Variants in F13A1 observed in about 807,000 individuals in gnomAD.
F13A1 encodes the protein coagulation factor XIII A chain.
Under a neutral mutation model 80.1 loss-of-function variants are expected in F13A1, and 47 were observed. The observed-to-expected ratio is 0.59, with a 90% CI of 0.46 to 0.75. The LOEUF is 0.75. Ranked by LOEUF, F13A1 falls within the 30% of genes least tolerant of loss-of-function variation. F13A1 has a pLI of 0.00. For missense variants in F13A1, 817 were observed against 930.4 expected (o/e 0.88, Z 1.59); for synonymous variants, 349 against 344.9 (o/e 1.01, Z -0.13).
At chr6:6,304,553 A>C (rs558281116) in intron 3 of F13A1, among the ~76,000 whole-genome samples, 1 of 152,192 alleles carries the variant, frequency 6.6e-6, no homozygotes, top group East Asian at 1.9e-4. Context: ...GCTAATGTGC[A>C]TCGTTAATCT....
At chr6:6,172,889 A>G (rs757893213) in intron 12 of F13A1, among the ~76,000 whole-genome samples, 3 of 152,244 alleles carry the variant, frequency 2.0e-5, no homozygotes, top group Non-Finnish European at 4.4e-5. Context: ...AAACCTCAGT[A>G]AGGGGACCAT....
rs751594692 is a variant in F13A1 at position 6,182,098 on chromosome 6, G to A, written c.1349C>T (p.Thr450Ile). ...LIYITAKKDG[T>I]HVVENVDATH... The stretch of plus-strand genomic sequence containing the variant: ...GGCATCCACATTTTCCACCACATGA[G>A]TGCCATCTTTCTTAGCTGTAATGTA... The change falls in exon 11 of 15, where the codon ACT becomes ATT. Residue 450 changes from threonine (T) to isoleucine (I), a missense_variant. Coordinates refer to ENST00000264870, the MANE Select transcript of F13A1 (RefSeq NM_000129.4). The A allele has an allele frequency of 4.4e-5, 71 of 1,614,040 alleles. No homozygotes were observed. The highest frequency in any genetic ancestry group is 5.8e-5 in the Non-Finnish European group (68 of 1,180,016).
At chr6:6,274,775 TGAA>T (rs1412494516) in intron 3 of F13A1, among the ~76,000 whole-genome samples, 2 of 152,142 alleles carry the variant, frequency 1.3e-5, no homozygotes, top group Non-Finnish European at 2.9e-5. Flanking sequence ...CTGTGGAAGT[TGAA>T]GAAGATTCCT....
chr6:6,307,714 C>G (rs6922262), intron 2 of F13A1, among the ~76,000 whole-genome samples: 23,022 of 152,120 alleles, frequency 0.15, 2,082 homozygotes, highest in Non-Finnish European at 0.2. Flanking sequence ...ACTACTATAC[C>G]CTGCATGAAA....
At chr6:6,164,769 C>T (rs1263567260) in intron 13 of F13A1, among the ~76,000 whole-genome samples, 4 of 147,826 alleles carry the variant, frequency 2.7e-5, no homozygotes, top group Non-Finnish European at 6.0e-5. Context: ...ATCTTCCCCT[C>T]CCCTCCCCTC....
intron 8 of F13A1, among the ~76,000 whole-genome samples, chr6:6,208,243 A>C (rs1361964908): frequency 2.0e-5 from 3 of 152,216 alleles, no homozygotes; most frequent in Non-Finnish European, 2.9e-5. Flanking sequence ...AAAGTACAAT[A>C]ACCAAAATGA....
chr6:6,287,624 A>G (rs1758157715), intron 3 of F13A1, among the ~76,000 whole-genome samples: 1 of 152,118 alleles, frequency 6.6e-6, no homozygotes, highest in Admixed American at 6.6e-5. Context: ...CAGCGACTCT[A>G]TTACCCTAGG....
At chr6:6,191,950 G>C (rs1761209498) in intron 10 of F13A1, among the ~76,000 whole-genome samples, 1 of 152,220 alleles carries the variant, frequency 6.6e-6, no homozygotes, top group South Asian at 2.1e-4. Flanking sequence ...AGGTGCAGTT[G>C]GGTGAGCGAA....
Position 6,316,130 on chromosome 6 carries a change from T to C in F13A1, c.130+2405A>G, listed in dbSNP as rs1311807010. On this transcript the variant is annotated intron_variant, in intron 2 of 14. Coordinates refer to ENST00000264870, the MANE Select transcript of F13A1 (RefSeq NM_000129.4). The stretch of plus-strand genomic sequence containing the variant: ...ATATATATATATATATATATATATA[T>C]ATATATATATATAGTTTTTTTCCTG... Among the ~76,000 whole-genome samples the C allele has an allele frequency of 4.8e-3, 375 of 77,780 alleles. 21 individuals carry two copies. The highest frequency in any genetic ancestry group is 0.019 in the African/African-American group (353 of 18,874). 51.0% of individuals were successfully genotyped at this position (77,780 alleles called of 152,430 possible). A position where few individuals can be genotyped will look rare whatever the true frequency, so the allele number is the denominator to read the frequency against.
At chr6:6,216,765 C>T (rs1413509229) in intron 8 of F13A1, among the ~76,000 whole-genome samples, 217 of 135,904 alleles carry the variant, frequency 1.6e-3, no homozygotes, top group African/African-American at 5.2e-3. Flanking sequence ...AGAAAATTTT[C>T]GCAACCTACT....
chr6:6,232,691 CAT>C (rs58142905), intron 6 of F13A1, among the ~76,000 whole-genome samples: 19,497 of 151,976 alleles, frequency 0.13, 1,318 homozygotes, highest in East Asian at 0.15. Context: ...CAAGATAGAC[CAT>C]ATGATAAGCC....
chr6:6,195,167 G>C (rs1053543898), intron 10 of F13A1, among the ~76,000 whole-genome samples: 4 of 152,180 alleles, frequency 2.6e-5, no homozygotes, highest in African/African-American at 9.7e-5. Context: ...AGCCTGTTCT[G>C]CTTCCAGTCC....
intron 3 of F13A1, among the ~76,000 whole-genome samples, chr6:6,272,004 A>C (rs1757927775): frequency 6.6e-6 from 1 of 152,188 alleles, no homozygotes; most frequent in Admixed American, 6.5e-5. Context: ...CTTTGTGCAC[A>C]GTTTCTTGAT....
intron 12 of F13A1, among the ~76,000 whole-genome samples, 184 bp downstream of exon 12, chr6:6,174,396 T>C (rs1263228384): frequency 6.9e-6 from 1 of 145,318 alleles, no homozygotes; most frequent in Admixed American, 6.8e-5. Context: ...TCTCAAAAAA[T>C]AAAAATAAAA....
chr6:6,206,502 A>AC (rs987222824), intron 8 of F13A1: 7 of 473,496 alleles, frequency 1.5e-5, no homozygotes, highest in African/African-American at 1.4e-4. Flanking sequence ...CTGACATTTT[A>AC]CCCCCAAACT....
chr6:6,184,193 C>T lies in F13A1; in HGVS notation c.1306-2052G>A, dbSNP rs1211257170. On this transcript the variant is annotated intron_variant, in intron 10 of 14. Transcript: ENST00000264870. ...AAGCCTGTGAGGTATATATTGTAAC[C>T]GTATTATGGATGAGGGCACCAAGAC... Among the ~76,000 whole-genome samples, 4 of 152,156 alleles carry T rather than the reference C, an allele frequency of 2.6e-5. No homozygotes were observed. In the South Asian group the frequency reaches 8.3e-4, roughly 32 times the overall value.
At chr6:6,186,551 C>A (rs935275206) in intron 10 of F13A1, among the ~76,000 whole-genome samples, 14 of 152,186 alleles carry the variant, frequency 9.2e-5, no homozygotes, top group African/African-American at 3.4e-4. Flanking sequence ...GGCATTATTT[C>A]TGAGGACTCT....
intron 13 of F13A1, among the ~76,000 whole-genome samples, chr6:6,161,549 T>A (rs932393540): frequency 1.5e-4 from 23 of 149,520 alleles, no homozygotes; most frequent in Admixed American, 3.3e-4. Context: ...TGTGTGTGTG[T>A]GTGAGAGAGA....
chr6:6,220,541 C>CTG (rs10648589), intron 8 of F13A1, among the ~76,000 whole-genome samples: 9,754 of 150,576 alleles, frequency 0.065, 812 homozygotes, highest in African/African-American at 0.2. Flanking sequence ...GCTACAAAGG[C>CTG]TGTGTGTGTG....
Sources: allele counts gnomAD v4.1 joint callset (sites outside exome capture counted in the v4.1 genomes callset), GRCh38; gene constraint gnomAD v4.1.1; transcripts MANE v1.5; gene names NCBI Gene and HGNC (gene_info 2026-07-23, HGNC 2026-07-21).